The following CDCA7L variants were observed in gnomAD, a reference collection of about 807,000 sequenced individuals.
CDCA7L encodes the protein cell division cycle associated 7 like, also known as cell division cycle-associated 7-like protein.
CDCA7L carries 44 observed loss-of-function variants against 57.4 expected under a neutral mutation model. The ratio of observed to expected loss-of-function variants is 0.77; its 90% CI spans 0.60 to 0.98. The LOEUF (loss-of-function observed/expected upper bound fraction) is 0.98, where lower values mean the gene tolerates loss of function less well. CDCA7L is among the 50% of genes least tolerant of loss of function. CDCA7L has a pLI of 0.00. For missense variants in CDCA7L, 644 were observed against 580.6 expected, an observed-to-expected ratio of 1.11 and a Z score of -1.12; for synonymous variants, 236 against 202.8, an observed-to-expected ratio of 1.16 and a Z score of -1.39.
chr7:21,935,967 C>T (rs1360685437), intron 1 of CDCA7L, among the ~76,000 whole-genome samples: 2 of 152,020 alleles, frequency 1.3e-5, no homozygotes, highest in South Asian at 2.1e-4. Context: ...GCTACTGTGC[C>T]ACTACACTCC....
In CDCA7L at chr7:21,905,446, G is replaced by A. The variant is rs148308379; in HGVS notation, c.1047+60C>T. On this transcript the variant is annotated intron_variant, in intron 7 of 9. Coordinates refer to ENST00000406877, the MANE Select transcript of CDCA7L (RefSeq NM_018719.5). ...GCCCTGATAGAGTTTAAAAACAAGT[G>A]AGATTTCAATACCAATGCCTTCGAC... 1.1e-3 allele frequency: 1,687 copies of A among 1,569,448 alleles called. 39 individuals carry two copies. In the Admixed American group the frequency reaches 0.027, roughly 25 times the overall value.
At chr7:21,917,921 ACT>A (rs1411306624) in intron 1 of CDCA7L, among the ~76,000 whole-genome samples, 3 of 152,260 alleles carry the variant, frequency 2.0e-5, no homozygotes, top group Non-Finnish European at 4.4e-5. Context: ...ATTTACTGTA[ACT>A]CTATATTTTA....
At chr7:21,922,102 GA>G (rs1785671780) in intron 1 of CDCA7L, among the ~76,000 whole-genome samples, 1 of 152,088 alleles carries the variant, frequency 6.6e-6, no homozygotes, top group African/African-American at 2.4e-5. Context: ...ATTTTACTAG[GA>G]AAATACTAAG....
intron 1 of CDCA7L, among the ~76,000 whole-genome samples, chr7:21,923,862 T>G (rs1275518894): frequency 6.6e-6 from 1 of 152,232 alleles, no homozygotes; most frequent in Non-Finnish European, 1.5e-5. Flanking sequence ...GAGTTGCTGC[T>G]GGCTTCTCGT....
rs1785112443 is a variant in CDCA7L, at chr7:21,905,557, G to A, written c.996C>T (p.Asp332=). 1 of 1,613,828 alleles carries A rather than the reference G, an allele frequency of 6.2e-7. No homozygotes were observed. The highest frequency in any genetic ancestry group is 1.7e-5 in the Admixed American group (1 of 59,996). Residue 332 remains aspartate, a synonymous_variant, in exon 7 of 10, where the codon GAC becomes GAT. Coordinates refer to ENST00000406877, the MANE Select transcript of CDCA7L (RefSeq NM_018719.5). ...FRPVEDITEE[D]LENVAITVRD... ...GAACAGTTATGGCAACATTTTCTAA[G>A]TCCTCTTCGGTGATATCCTCCACTG...
At chr7:21,904,369 T>C in intron 7 of CDCA7L, 110 bp from the exon 8 acceptor site, 1 of 1,106,668 alleles carries the variant, frequency 9.0e-7, no homozygotes, top group Non-Finnish European at 1.2e-6. Context: ...CCCCGTCTCC[T>C]CGAATCAAGC....
Position 21,905,661 on chromosome 7 carries a change from G to A in CDCA7L, c.922-30C>T, listed in dbSNP as rs1785116296. On this transcript the variant is annotated intron_variant, in intron 6 of 9. Coordinates refer to ENST00000406877, the MANE Select transcript of CDCA7L (RefSeq NM_018719.5). ...ACAATGAACACAAGCAGAACATGGA[G>A]ATGTGTTGAGCAGTTATAAAAAAAT... is the stretch of plus-strand genomic sequence containing the variant. 1.9e-6 allele frequency: 3 copies of A among 1,608,390 alleles called. 1 individual carries two copies. Among genetic ancestry groups the A allele is most frequent in the South Asian group, 1.1e-5 (1 of 90,136 alleles).
intron 2 of CDCA7L, among the ~76,000 whole-genome samples, chr7:21,913,707 T>C (rs899676449): frequency 1.3e-5 from 2 of 152,352 alleles, no homozygotes; most frequent in East Asian, 3.9e-4. Context: ...GGGCAAGCCT[T>C]GAAGCTATGA....
intron 2 of CDCA7L, among the ~76,000 whole-genome samples, chr7:21,916,092 C>T (rs2128061788): frequency 6.6e-6 from 1 of 152,250 alleles, no homozygotes; most frequent in Middle Eastern, 3.4e-3. Flanking sequence ...CCAGTGGAAG[C>T]AAAGTGGGTT....
At chr7:21,904,580 T>C (rs1785071801) in intron 7 of CDCA7L, among the ~76,000 whole-genome samples, 1 of 152,188 alleles carries the variant, frequency 6.6e-6, no homozygotes, top group South Asian at 2.1e-4. Context: ...AACCCTCTAT[T>C]GTGAATTGCA....
intron 1 of CDCA7L, among the ~76,000 whole-genome samples, chr7:21,936,892 C>T (rs908769723): frequency 5.3e-5 from 8 of 152,058 alleles, no homozygotes; most frequent in Non-Finnish European, 1.2e-4. Flanking sequence ...CTATAAGAGA[C>T]GTGATTATAT....
intron 3 of CDCA7L, 110 bp downstream of exon 3, chr7:21,911,507 T>C (rs1785325927): frequency 1.5e-6 from 2 of 1,333,676 alleles, no homozygotes; most frequent in South Asian, 1.5e-5. Context: ...GTAAGATAAA[T>C]ATGTAAGAAA....
Position 21,908,433 on chromosome 7 carries a change from A to T in CDCA7L, c.378T>A (p.Asp126Glu), listed in dbSNP as rs1554295801. 1.3e-6 allele frequency: 2 copies of T among 1,579,666 alleles called. No homozygotes were observed. The highest frequency in any genetic ancestry group is 2.2e-5 in the East Asian group (1 of 44,620). Residue 126 changes from aspartate (D) to glutamate (E), a missense_variant, in exon 4 of 10, where the codon GAT (aspartate) becomes GAA (glutamate). Transcript: ENST00000406877. ...ACCTGCTTCTTCTAGGGGTAGCCTT[A>T]TCTTCTTCTTCATCTTCCTCTTCCT... ...VSEEEEDEEE[D>E]KATPRRSRSR...
Position 21,904,213 on chromosome 7 carries a change from G to A in CDCA7L, c.1094C>T (p.Thr365Ile). 2 of 1,613,460 alleles carry A rather than the reference G, an allele frequency of 1.2e-6. No individual in the cohort carries two copies. Among genetic ancestry groups the A allele is most frequent in the Non-Finnish European group, 1.7e-6 (2 of 1,179,690 alleles). ...ACAGCAACCCTGGTTCCGACACACT[G>A]TCTTGGTGTCGATGGTCTTTTGTCG... Reference protein sequence around the residue: ...QCRQKTIDTKTVCRNQGCCGV... With the variant: ...QCRQKTIDTKIVCRNQGCCGV... Residue 365 changes from threonine to isoleucine, a missense_variant, in exon 8 of 10, where the codon ACA (threonine) becomes ATA (isoleucine). By Grantham distance (89) the Thr-to-Ile change is moderately conservative. Coordinates refer to ENST00000406877, the MANE Select transcript of CDCA7L (RefSeq NM_018719.5).
intron 1 of CDCA7L, among the ~76,000 whole-genome samples, chr7:21,938,226 A>T (rs1786232808): frequency 6.6e-6 from 1 of 152,230 alleles, no homozygotes; most frequent in African/African-American, 2.4e-5. Context: ...CAGTTAAGAA[A>T]TGGGCAAAGG....
intron 1 of CDCA7L, among the ~76,000 whole-genome samples, chr7:21,933,082 A>T (rs1786064484): frequency 6.6e-6 from 1 of 152,218 alleles, no homozygotes; most frequent in Non-Finnish European, 1.5e-5. Flanking sequence ...AAAGAAATGC[A>T]AATCAAAACC....
Position 21,902,933 on chromosome 7 carries a change from C to A in CDCA7L, c.1334+45G>T, listed in dbSNP as rs778975610. The A allele has an allele frequency of 4.6e-5, 73 of 1,594,512 alleles. 2 individuals carry two copies. In the South Asian group the frequency reaches 8.2e-4, roughly 18 times the overall value. ...GCCCAGAGGGTCTCCTGTGCTCAGC[C>A]TCAAGATTTCAAGCTGTTTTGTAAG... On this transcript the variant is annotated intron_variant, in intron 9 of 9. Transcript: ENST00000406877.
chr7:21,905,393 G>C lies in CDCA7L; in HGVS notation c.1047+113C>G, dbSNP rs561670460. The C allele has an allele frequency of 4.1e-6, 5 of 1,214,166 alleles. No homozygotes were observed. The African/African-American group carries it at 6.0e-5, about 15-fold the overall frequency. The allele number at this position is 1,214,166 out of a possible 1,614,324, so 75.2% of individuals were successfully genotyped here. A position where few individuals can be genotyped will look rare whatever the true frequency, so the allele number is the denominator to read the frequency against. Reference sequence around the variant, plus strand: ...TTTTGACCCTCCAATTCAGAGCCTGGCTCTGAGCCCTTGGTGAGATGGCAT... The same window carrying C: ...TTTTGACCCTCCAATTCAGAGCCTGCCTCTGAGCCCTTGGTGAGATGGCAT... On this transcript the variant is annotated intron_variant, in intron 7 of 9. Coordinates refer to ENST00000406877, the MANE Select transcript of CDCA7L (RefSeq NM_018719.5).
chr7:21,931,538 CTCA>C (rs1786016324), intron 1 of CDCA7L, among the ~76,000 whole-genome samples: 1 of 152,178 alleles, frequency 6.6e-6, no homozygotes, highest in Non-Finnish European at 1.5e-5. Flanking sequence ...ACATGATTAT[CTCA>C]ATATATGCAG....
Sources: gnomAD v4.1 joint callset for allele counts (sites outside exome capture counted in the v4.1 genomes callset) on GRCh38, gnomAD v4.1.1 for gene constraint, MANE v1.5 for transcripts, NCBI Gene and HGNC (gene_info 2026-07-23, HGNC 2026-07-21) for gene names.